STXBP6: variants seen among roughly 807,000 people sequenced by gnomAD.
STXBP6 encodes the protein syntaxin-binding protein 6.
A neutral mutation model predicts 26.9 loss-of-function variants in STXBP6; 21 were observed. The ratio of observed to expected loss-of-function variants is 0.78; its 90% CI spans 0.55 to 1.12. The LOEUF (loss-of-function observed/expected upper bound fraction) is 1.12. STXBP6 is among the 50% of genes most tolerant of loss of function. The probability of loss-of-function intolerance (pLI) is 0.00; values close to 1 mark genes in which losing one functional copy is unlikely to be tolerated. For synonymous variants in STXBP6, 97 were observed against 92.6 expected (o/e 1.05, Z -0.27); for missense variants, 232 against 257.9 (o/e 0.90, Z 0.69).
At chr14:24,850,177 A>G (rs2069099868) in intron 4 of STXBP6, among the ~76,000 whole-genome samples, 1 of 152,028 alleles carries the variant, frequency 6.6e-6, no homozygotes, top group Non-Finnish European at 1.5e-5. Flanking sequence ...ATGACTTTGT[A>G]TTGTTTGGAA....
intron 2 of STXBP6, among the ~76,000 whole-genome samples, chr14:24,962,923 A>C (rs2073598775): frequency 6.6e-6 from 1 of 152,078 alleles, no homozygotes; most frequent in Admixed American, 6.5e-5. Context: ...GAATGATCAA[A>C]TATTGTATGG....
intron 4 of STXBP6, among the ~76,000 whole-genome samples, chr14:24,843,444 G>A (rs938666453): frequency 6.6e-6 from 1 of 152,184 alleles, no homozygotes; most frequent in Non-Finnish European, 1.5e-5. Context: ...AGGAGGGAAG[G>A]CAGGACAACA....
intron 2 of STXBP6, among the ~76,000 whole-genome samples, chr14:24,931,260 T>C (rs1406613477): frequency 2.2e-5 from 3 of 134,158 alleles, no homozygotes; most frequent in Non-Finnish European, 4.8e-5. Flanking sequence ...GGGGGAGGGA[T>C]AGCATTAGGA....
intron 2 of STXBP6, among the ~76,000 whole-genome samples, chr14:24,886,634 T>C (rs574198766): frequency 3.3e-5 from 5 of 151,950 alleles, no homozygotes; most frequent in Admixed American, 3.3e-4. Context: ...CTTTATGACT[T>C]GTCATTTCAC....
intron 2 of STXBP6, among the ~76,000 whole-genome samples, chr14:24,857,891 A>C (rs2069396092): frequency 6.6e-6 from 1 of 151,942 alleles, no homozygotes; most frequent in South Asian, 2.1e-4. Context: ...CAGGAGAGGC[A>C]CTCTGAATAT....
chr14:24,901,383 C>T (rs1332469407), intron 2 of STXBP6, among the ~76,000 whole-genome samples: 5 of 152,030 alleles, frequency 3.3e-5, no homozygotes, highest in Non-Finnish European at 7.4e-5. Context: ...TAAGTGAAAG[C>T]TAGGATTTGG....
intron 2 of STXBP6, among the ~76,000 whole-genome samples, chr14:24,962,244 T>C (rs1425613021): frequency 1.3e-5 from 2 of 152,114 alleles, no homozygotes; most frequent in East Asian, 1.9e-4. Context: ...TTAAATATTA[T>C]AGGGATTTTT....
At chr14:24,906,088 T>G (rs568789541) in intron 2 of STXBP6, among the ~76,000 whole-genome samples, 42 of 152,354 alleles carry the variant, frequency 2.8e-4, no homozygotes, top group South Asian at 1.0e-3. Context: ...TGCATCTTGA[T>G]TAAATATTTG....
At chr14:25,039,132 T>C (rs2075601361) in intron 1 of STXBP6, among the ~76,000 whole-genome samples, 2 of 152,148 alleles carry the variant, frequency 1.3e-5, no homozygotes, top group African/African-American at 4.8e-5. Context: ...ACAATAAGTA[T>C]ACACAATTAT....
chr14:24,872,471 G>A (rs1356580647), intron 2 of STXBP6, among the ~76,000 whole-genome samples: 1 of 152,116 alleles, frequency 6.6e-6, no homozygotes, highest in East Asian at 1.9e-4. Flanking sequence ...ACCCTGTATA[G>A]CAGAGACACA....
intron 2 of STXBP6, among the ~76,000 whole-genome samples, chr14:24,900,033 C>A (rs568589680): frequency 6.6e-6 from 1 of 152,240 alleles, no homozygotes; most frequent in East Asian, 1.9e-4. Flanking sequence ...AATAGGTGAA[C>A]AAAGCGATAT....
chr14:24,936,151 T>C (rs923521101), intron 2 of STXBP6, among the ~76,000 whole-genome samples: 1 of 152,210 alleles, frequency 6.6e-6, no homozygotes, highest in Admixed American at 6.5e-5. Context: ...AGTTAAACTT[T>C]ACAGCCATTT....
rs71449216 is a variant in STXBP6 at position 24,838,683 on chromosome 14, C to CAA, written c.451+17251_451+17252dup. Among the ~76,000 whole-genome samples, 140 of 142,336 alleles carry CAA rather than the reference C, an allele frequency of 9.8e-4. 2 individuals carry two copies. Among genetic ancestry groups the CAA allele is most frequent in the Non-Finnish European group, 2.9e-4 (19 of 64,980 alleles). The allele number at this position is 142,336 out of a possible 152,430, so 93.4% of individuals were successfully genotyped here. On this transcript the variant is annotated intron_variant, in intron 4 of 5. Transcript: ENST00000323944. ...TGGGTGACAGATCGAGATCCCGTCT[C>CAA]AAAAAAAAAAGAGAAAAAAGAAAAA...
chr14:25,029,257 T>C (rs1372992775), intron 1 of STXBP6, among the ~76,000 whole-genome samples: 2 of 152,074 alleles, frequency 1.3e-5, no homozygotes, highest in Non-Finnish European at 2.9e-5. Context: ...TGCAGCAAAC[T>C]TCACTGCTAT....
intron 4 of STXBP6, among the ~76,000 whole-genome samples, chr14:24,823,565 T>G (rs2068201211): frequency 6.6e-6 from 1 of 152,208 alleles, no homozygotes; most frequent in Non-Finnish European, 1.5e-5. Context: ...ATATTCATCC[T>G]GTTTGGAAAA....
At chr14:24,867,244 C>A (rs1431734351) in intron 2 of STXBP6, among the ~76,000 whole-genome samples, 3 of 152,124 alleles carry the variant, frequency 2.0e-5, no homozygotes, top group African/African-American at 7.2e-5. Context: ...GATGCAGCAT[C>A]AAGGCACTAT....
At chr14:25,023,892 G>T (rs2075302334) in intron 1 of STXBP6, among the ~76,000 whole-genome samples, 1 of 152,160 alleles carries the variant, frequency 6.6e-6, no homozygotes, top group South Asian at 2.1e-4. Context: ...TGACAACCTG[G>T]GAGGTCGATA....
At chr14:24,991,810 G>A (rs2074481951) in intron 1 of STXBP6, among the ~76,000 whole-genome samples, 1 of 152,218 alleles carries the variant, frequency 6.6e-6, no homozygotes, top group South Asian at 2.1e-4. Flanking sequence ...TGCACAGCCT[G>A]GAGGGCTTGC....
At chr14:25,023,549 C>T (rs2075296675) in intron 1 of STXBP6, among the ~76,000 whole-genome samples, 1 of 152,138 alleles carries the variant, frequency 6.6e-6, no homozygotes, top group Non-Finnish European at 1.5e-5. Context: ...TGGCTCATGC[C>T]TGCAATCCCA....
Sources: allele counts gnomAD v4.1 joint callset (sites outside exome capture counted in the v4.1 genomes callset), GRCh38; gene constraint gnomAD v4.1.1; transcripts MANE v1.5; gene names NCBI Gene and HGNC (gene_info 2026-07-23, HGNC 2026-07-21).